The following PRAMEF5 variants were observed in gnomAD, a reference collection of about 807,000 sequenced individuals.
The protein encoded by PRAMEF5 is PRAME family member 23.
A neutral mutation model predicts 16.4 loss-of-function variants in PRAMEF5; 5 were observed. That is an observed-to-expected ratio of 0.30 (90% CI 0.16 to 0.64). The LOEUF (loss-of-function observed/expected upper bound fraction) is 0.64. Among genes scored for constraint, PRAMEF5 ranks in the 30% least tolerant of loss-of-function variants. The pLI, the probability that PRAMEF5 is intolerant of heterozygous loss-of-function variation, is 0.80. For missense variants in PRAMEF5, 36 were observed against 282.9 expected, an observed-to-expected ratio of 0.13 and a Z score of 6.26; for synonymous variants, 19 against 107.3, an observed-to-expected ratio of 0.18 and a Z score of 5.09.
At chr1:13,258,765 GAAGA>G (rs368661795) in intron 1 of PRAMEF5, 1 of 87,700 alleles carries the variant, frequency 1.1e-5, no homozygotes, top group African/African-American at 3.3e-5. Context: ...AAGAAGGAAA[GAAGA>G]AAGAGAGAGA....
intron 2 of PRAMEF5, 55 bp from the exon 3 acceptor site, chr1:13,260,167 T>A (rs1260674951): frequency 1.3e-5 from 21 of 1,557,736 alleles, no homozygotes; most frequent in Middle Eastern, 4.6e-4. Flanking sequence ...GGATGTGGAG[T>A]TTAAGTTCAG....
At chr1:13,261,771 C>T (rs1199841515) in intron 3 of PRAMEF5, 1 of 16,660 alleles carries the variant, frequency 6.0e-5, no homozygotes, top group Non-Finnish European at 1.5e-4. Context: ...CTAGGAAATG[C>T]ATGATTCTGA....
chr1:13,260,070 G>A (rs1639370864), intron 2 of PRAMEF5, 152 bp from the exon 3 acceptor site: 7 of 1,239,114 alleles, frequency 5.6e-6, no homozygotes, highest in South Asian at 1.4e-5. Flanking sequence ...AAAAAAATGT[G>A]GAAGTGGGCA....
rs1553172960 is a variant in PRAMEF5 at position 13,263,312 on chromosome 1, C to G, written c.*201C>G. 3.2e-3 allele frequency: 1,982 copies of G among 616,514 alleles called. 28 individuals carry two copies. Among genetic ancestry groups the G allele is most frequent in the African/African-American group, 0.029 (1,594 of 54,138 alleles). The allele number at this position is 616,514 out of a possible 1,614,324, so 38.2% of individuals were successfully genotyped here. On this transcript the variant is annotated 3_prime_UTR_variant, in exon 4 of 4. Transcript: ENST00000622421. The stretch of plus-strand genomic sequence containing the variant: ...CATGGATTCGATGGGACTTTGGGGA[C>G]CTGTGTCCTGTAGAGTGGAAAATGG...
intron 3 of PRAMEF5, chr1:13,261,834 G>C (rs1170851536): frequency 6.7e-5 from 2 of 29,972 alleles, no homozygotes; most frequent in Non-Finnish European, 1.5e-4. Flanking sequence ...TAGATGGTTT[G>C]CTGATGATAC....
intron 1 of PRAMEF5, chr1:13,256,537 C>CT (rs1324425210): frequency 3.1e-3 from 199 of 64,870 alleles, no homozygotes; most frequent in African/African-American, 5.7e-3. Flanking sequence ...ATATCCTGTC[C>CT]TTTTTTTTTT....
chr1:13,260,878 G>A, intron 3 of PRAMEF5, 75 bp downstream of exon 3: 1 of 213,048 alleles, frequency 4.7e-6, no homozygotes. Flanking sequence ...GGCATCTACT[G>A]TGAGCCAGCC....
At chr1:13,259,499 C>A in exon 2 of PRAMEF5, 1 of 35,146 alleles carries the variant, frequency 2.8e-5, no homozygotes, top group South Asian at 2.1e-4. Flanking sequence ...GTCTGGAGGC[C>A]TTCCAAGCTG....
At chr1:13,260,133 A>C (rs1557732847) in intron 2 of PRAMEF5, 89 bp from the exon 3 acceptor site, 6 of 1,548,600 alleles carry the variant, frequency 3.9e-6, no homozygotes, top group Non-Finnish European at 5.3e-6. Flanking sequence ...GACAAGAAGC[A>C]GGGAGGGGAG....
intron 2 of PRAMEF5, chr1:13,259,766 C>G: frequency 6.2e-6 from 1 of 160,496 alleles, no homozygotes; most frequent in South Asian, 5.4e-5. Context: ...CACTGAAAGG[C>G]ACCATGAAAA....
intron 2 of PRAMEF5, 83 bp from the exon 3 acceptor site, chr1:13,260,139 G>A (rs1259813769): frequency 1.7e-5 from 27 of 1,549,394 alleles, no homozygotes; most frequent in Non-Finnish European, 2.4e-5. Context: ...AAGCAGGGAG[G>A]GGAGGAGCTG....
intron 2 of PRAMEF5, 112 bp from the exon 3 acceptor site, chr1:13,260,110 A>C: frequency 6.5e-7 from 1 of 1,533,000 alleles, no homozygotes; most frequent in Non-Finnish European, 8.9e-7. Flanking sequence ...GGTGAAGAAA[A>C]GTCAGAGAGA....
chr1:13,260,312 CAATGCCAAGAGGAACAA>C lies in PRAMEF5; in HGVS notation c.381_397del (p.Asn127LysfsTer30). 1 of 1,600,040 alleles carries C rather than the reference CAATGCCAAGAGGAACAA, an allele frequency of 6.2e-7. No individual in the cohort carries two copies. The highest frequency in any genetic ancestry group is 8.5e-7 in the Non-Finnish European group (1 of 1,173,502). ...AAGCTATGGCCCATGGGTGCTTCCTCAATGCCAAGAGGAACAAAAAACCAGTGCAGGACTGTCCAAGG... is the reference window on the plus strand; with the variant it reads ...AAGCTATGGCCCATGGGTGCTTCCTCAAAACCAGTGCAGGACTGTCCAAGG... On this transcript the variant is annotated frameshift_variant, in exon 3 of 4. Coordinates refer to ENST00000622421, the Ensembl canonical transcript of PRAMEF5. LOFTEE classifies it high-confidence loss of function.
intron 2 of PRAMEF5, 131 bp from the exon 3 acceptor site, chr1:13,260,091 G>T (rs1241097134): frequency 2.0e-6 from 3 of 1,469,008 alleles, no homozygotes; most frequent in African/African-American, 2.8e-5. Flanking sequence ...GGATCCAAGG[G>T]GAAAACAGGG....
At chr1:13,260,188 T>C in intron 2 of PRAMEF5, 34 bp from the exon 3 acceptor site, 4 of 1,564,482 alleles carry the variant, frequency 2.6e-6, no homozygotes, top group Non-Finnish European at 3.5e-6. Flanking sequence ...AAATGAGTTC[T>C]GAAATTCTCA....
chr1:13,261,761 C>T (rs1445514170), intron 3 of PRAMEF5: 1 of 13,968 alleles, frequency 7.2e-5, no homozygotes, highest in Admixed American at 8.3e-4. Flanking sequence ...AATTAATTAC[C>T]TAGGAAATGC....
At chr1:13,263,380 A>C (rs1297195055), downstream of PRAMEF5, 6 of 635,808 alleles carry the variant, frequency 9.4e-6, no homozygotes, top group South Asian at 2.0e-5. Flanking sequence ...TACTTGAGGG[A>C]GTTACTCTTG....
chr1:13,261,986 A>G, intron 3 of PRAMEF5: 1 of 93,862 alleles, frequency 1.1e-5, no homozygotes, highest in African/African-American at 3.9e-5. Context: ...GAGGAAAGGG[A>G]GCTTTAGGGA....
chr1:13,255,859 G>A (rs1639316942), intron 1 of PRAMEF5: 1 of 142,858 alleles, frequency 7.0e-6, no homozygotes, highest in Non-Finnish European at 1.6e-5. Flanking sequence ...TCAGCTCACT[G>A]CAACCTCTGC....
Sources: allele counts gnomAD v4.1 joint callset, GRCh38; gene constraint gnomAD v4.1.1; transcripts MANE v1.5; gene names NCBI Gene and HGNC (gene_info 2026-07-23, HGNC 2026-07-21).